YBX1: variants seen among roughly 807,000 people sequenced by gnomAD.
YBX1 encodes Y-box-binding protein 1.
A neutral mutation model predicts 41.4 loss-of-function variants in YBX1; 3 were observed. The ratio of observed to expected loss-of-function variants is 0.07; its 90% CI spans 0.03 to 0.19. YBX1 has a LOEUF of 0.19. Among genes scored for constraint, YBX1 ranks in the 10% least tolerant of loss-of-function variants. The pLI, the probability that YBX1 is intolerant of heterozygous loss-of-function variation, is 1.00. For missense variants in YBX1, 274 were observed against 462.8 expected (o/e 0.59, Z 3.74); for synonymous variants, 133 against 165.8 (o/e 0.80, Z 1.52).
intron 2 of YBX1, among the ~76,000 whole-genome samples, chr1:42,687,886 A>G (rs1650235853): frequency 6.6e-6 from 1 of 152,218 alleles, no homozygotes; most frequent in Non-Finnish European, 1.5e-5. Flanking sequence ...AACTGACAAA[A>G]TGTTTTGGCA....
At chr1:42,683,502 TCTTG>T in intron 2 of YBX1, 36 bp downstream of exon 2, 2 of 1,611,536 alleles carry the variant, frequency 1.2e-6, no homozygotes, top group Non-Finnish European at 8.5e-7. Flanking sequence ...CATCCCACCT[TCTTG>T]CTTGCTTCCT....
chr1:42,690,452 AT>A (rs1177440860), intron 2 of YBX1, among the ~76,000 whole-genome samples: 1 of 152,174 alleles, frequency 6.6e-6, no homozygotes, highest in Non-Finnish European at 1.5e-5. Context: ...AGCAAAATCT[AT>A]TTTGGGGGTC....
chr1:42,693,402 C>A, intron 2 of YBX1, 88 bp from the exon 3 acceptor site: 1 of 1,469,682 alleles, frequency 6.8e-7, no homozygotes, highest in Non-Finnish European at 9.4e-7. Context: ...ACCTAATTGG[C>A]AGCCAGAGAG....
chr1:42,696,990 A>G lies in YBX1; in HGVS notation c.657+46A>G. 2 of 1,514,824 alleles carry G rather than the reference A, an allele frequency of 1.3e-6. No individual in the cohort carries two copies. Among genetic ancestry groups the G allele is most frequent in the Non-Finnish European group, 1.8e-6 (2 of 1,132,468 alleles). The allele number at this position is 1,514,824 out of a possible 1,614,324, so 93.8% of individuals were successfully genotyped here. A position where few individuals can be genotyped will look rare whatever the true frequency, so the allele number is the denominator to read the frequency against. On this transcript the variant is annotated intron_variant, in intron 5 of 7. Transcript: ENST00000321358. This position sits in a 1 kb window ranked among gnomAD's most constrained non-coding sequence, Gnocchi z 5.7. ...CAGCAATGTGATAAGTTCTGGTAGG[A>G]CTGTTTAGAGCTGTTAATTATATGG... is the stretch of plus-strand genomic sequence containing the variant.
intron 3 of YBX1, among the ~76,000 whole-genome samples, chr1:42,693,940 A>G (rs1348162619): frequency 6.6e-6 from 1 of 152,226 alleles, no homozygotes; most frequent in Non-Finnish European, 1.5e-5. Flanking sequence ...TAAATAAGAC[A>G]GACCTGCAAA....
chr1:42,700,830 A>T lies in YBX1; in HGVS notation c.790A>T (p.Lys264Ter). Reference sequence around the variant, plus strand: ...TAGAGAGGACGGCAATGAAGAAGATAAAGAAAATCAAGGAGATGAGACCCA... The same window carrying T: ...TAGAGAGGACGGCAATGAAGAAGATTAAGAAAATCAAGGAGATGAGACCCA... ...QPREDGNEED[K>*]ENQGDETQGQ... Residue 264 changes from lysine (K) to a stop codon, truncating the protein, a stop_gained, in exon 7 of 8, where the codon AAA becomes TAA. Coordinates refer to ENST00000321358, the MANE Select transcript of YBX1 (RefSeq NM_004559.5). LOFTEE classifies it high-confidence loss of function. 1 of 1,612,828 alleles carries T rather than the reference A, an allele frequency of 6.2e-7. No homozygotes were observed. Among genetic ancestry groups the T allele is most frequent in the Non-Finnish European group, 8.5e-7 (1 of 1,179,822 alleles).
intron 2 of YBX1, among the ~76,000 whole-genome samples, chr1:42,691,770 T>G (rs1198701411): frequency 6.6e-6 from 1 of 152,208 alleles, no homozygotes; most frequent in Non-Finnish European, 1.5e-5. Context: ...CAAATTTACT[T>G]TCTATACCAA....
chr1:42,697,091 T>C, intron 5 of YBX1, 89 bp from the exon 6 acceptor site: 1 of 1,510,158 alleles, frequency 6.6e-7, no homozygotes, highest in Non-Finnish European at 8.9e-7. Flanking sequence ...TGGTCTGTTT[T>C]GTTTGTTTTT....
chr1:42,700,102 G>A (rs943590054), intron 6 of YBX1, among the ~76,000 whole-genome samples: 5 of 152,192 alleles, frequency 3.3e-5, no homozygotes, highest in African/African-American at 1.2e-4. Context: ...AGAAAAGTCA[G>A]AACAATTTTG....
intron 2 of YBX1, among the ~76,000 whole-genome samples, chr1:42,689,341 C>T (rs1319592806): frequency 1.3e-5 from 2 of 152,102 alleles, no homozygotes; most frequent in Admixed American, 1.3e-4. Context: ...GGTTATGGAG[C>T]ATATAGATGG....
chr1:42,687,214 T>C (rs1234335669), intron 2 of YBX1, among the ~76,000 whole-genome samples: 1 of 152,142 alleles, frequency 6.6e-6, no homozygotes, highest in Non-Finnish European at 1.5e-5. Context: ...AAGGAGAGAA[T>C]GTTGCACCTT....
intron 1 of YBX1, 140 bp from the exon 2 acceptor site, chr1:42,683,263 C>T: frequency 1.0e-6 from 1 of 1,003,622 alleles, no homozygotes. Context: ...ACTGCGTGGC[C>T]CCGCACCCGG....
At chr1:42,683,517 G>C in intron 2 of YBX1, 51 bp downstream of exon 2, 3 of 1,605,964 alleles carry the variant, frequency 1.9e-6, no homozygotes, top group Non-Finnish European at 2.6e-6. Flanking sequence ...CTTGCTTCCT[G>C]CTCTGTCGGC....
In YBX1 at chr1:42,682,474, G is replaced by C. The variant is rs986171531; in HGVS notation, c.-92G>C. 4.5e-6 allele frequency: 6 copies of C among 1,324,118 alleles called. No homozygotes were observed. In the South Asian group the frequency reaches 7.1e-5, roughly 16 times the overall value. 82.0% of individuals were successfully genotyped at this position (1,324,118 alleles called of 1,614,324 possible). A position where few individuals can be genotyped will look rare whatever the true frequency, so the allele number is the denominator to read the frequency against. On this transcript the variant is annotated 5_prime_UTR_variant, in exon 1 of 8. Transcript: ENST00000321358. ...GAGAGCGGACCCCAGAGAGCCCTGAGCAGCCCCACCGCCGCCGCCGGCCTA... is the reference window on the plus strand; with the variant it reads ...GAGAGCGGACCCCAGAGAGCCCTGACCAGCCCCACCGCCGCCGCCGGCCTA...
Position 42,696,430 on chromosome 1 carries a change from C to G in YBX1, c.354+142C>G. The stretch of plus-strand genomic sequence containing the variant: ...AGGTGCATCAAGCCTAATGTTCTGG[C>G]TGCAGTTAGAGGGCAATCTCTTCAG... On this transcript the variant is annotated intron_variant, in intron 4 of 7. Transcript: ENST00000321358. The surrounding 1 kb of genome is among the most constrained non-coding windows in gnomAD (Gnocchi z 5.7). 2.0e-6 allele frequency: 2 copies of G among 1,001,796 alleles called. No homozygotes were observed. The highest frequency in any genetic ancestry group is 1.7e-5 in the South Asian group (1 of 57,852). 62.1% of individuals were successfully genotyped at this position (1,001,796 alleles called of 1,614,324 possible).
chr1:42,687,731 A>G (rs1372319938), intron 2 of YBX1, among the ~76,000 whole-genome samples: 1 of 152,112 alleles, frequency 6.6e-6, no homozygotes, highest in African/African-American at 2.4e-5. Context: ...TCAGCCTCCC[A>G]AATGTGTGGT....
In YBX1 at chr1:42,696,608, C is replaced by A; in HGVS notation, c.355-34C>A. ...AAAGTGTTGAAAGTGTTCTGATTTCCTTTGTCACTATCAATATGTAATGGC... is the reference window on the plus strand; with the variant it reads ...AAAGTGTTGAAAGTGTTCTGATTTCATTTGTCACTATCAATATGTAATGGC... On this transcript the variant is annotated intron_variant, in intron 4 of 7. Transcript: ENST00000321358. This position sits in a 1 kb window ranked among gnomAD's most constrained non-coding sequence, Gnocchi z 5.7. 1 of 1,302,180 alleles carries A rather than the reference C, an allele frequency of 7.7e-7. No homozygotes were observed. Among genetic ancestry groups the A allele is most frequent in the South Asian group, 1.7e-5 (1 of 58,474 alleles). The allele number at this position is 1,302,180 out of a possible 1,614,324, so 80.7% of individuals were successfully genotyped here.
chr1:42,699,415 G>A (rs915979150), intron 6 of YBX1, among the ~76,000 whole-genome samples: 1 of 152,100 alleles, frequency 6.6e-6, no homozygotes, highest in African/African-American at 2.4e-5. Context: ...CACCCAGCTT[G>A]ACTCTGTGTT....
Position 42,696,511 on chromosome 1 carries a change from GCC to G in YBX1, c.355-121_355-120del, listed in dbSNP as rs34273075. On this transcript the variant is annotated intron_variant, in intron 4 of 7. Transcript: ENST00000321358. The surrounding 1 kb of genome is among the most constrained non-coding windows in gnomAD (Gnocchi z 5.7). ...TGTGCACCCCTGGTCACGCAGTTGC[GCC>G]CCCCCCCCCTTTTTTTTCCTTAACT... The G allele has an allele frequency of 3.4e-4, 161 of 468,800 alleles. 3 individuals carry two copies. The highest frequency in any genetic ancestry group is 5.8e-4 in the South Asian group (13 of 22,444). The allele number at this position is 468,800 out of a possible 1,614,324, so 29.0% of individuals were successfully genotyped here. A position where few individuals can be genotyped will look rare whatever the true frequency, so the allele number is the denominator to read the frequency against.
Sources: allele counts gnomAD v4.1 joint callset (sites outside exome capture counted in the v4.1 genomes callset), GRCh38; gene constraint gnomAD v4.1.1; non-coding constraint Gnocchi (gnomAD v3.1); transcripts MANE v1.5; gene names NCBI Gene and HGNC (gene_info 2026-07-23, HGNC 2026-07-21).